Variants in CELA3B observed in about 807,000 individuals in gnomAD.
The protein encoded by CELA3B is chymotrypsin-like elastase family member 3B.
Under a neutral mutation model 37.2 loss-of-function variants are expected in CELA3B, and 34 were observed. That is an observed-to-expected ratio of 0.91 (90% CI 0.70 to 1.22). CELA3B has a LOEUF of 1.22. Among genes scored for constraint, CELA3B ranks in the 50% most tolerant of loss-of-function variants. The pLI is 0.00. For synonymous variants in CELA3B, 127 were observed against 143.5 expected, an observed-to-expected ratio of 0.89 and a Z score of 0.82; for missense variants, 340 against 363.1, an observed-to-expected ratio of 0.94 and a Z score of 0.52.
In CELA3B at chr1:21,987,032, G is replaced by A. The variant is rs540655667; in HGVS notation, c.795+349G>A. On this transcript the variant is annotated intron_variant, in intron 7 of 7. Coordinates refer to ENST00000337107, the MANE Select transcript of CELA3B (RefSeq NM_007352.4). ...GACAGGTGATTACATGAATGAGAAC[G>A]ATGCAGTCTGATGAGAGCCGAGAGA... 5 of 380,214 alleles carry A rather than the reference G, an allele frequency of 1.3e-5. No individual in the cohort carries two copies. In the Admixed American group the frequency reaches 1.5e-4, roughly 12 times the overall value. 23.6% of individuals were successfully genotyped at this position (380,214 alleles called of 1,614,324 possible). A position where few individuals can be genotyped will look rare whatever the true frequency, so the allele number is the denominator to read the frequency against.
rs543895494 is a variant in CELA3B at position 21,980,950 on chromosome 1, G to A, written c.227+29G>A. On this transcript the variant is annotated intron_variant, in intron 3 of 7. Transcript: ENST00000337107. ...AGTTCTCTACCCTGTCCCTGCCTGT[G>A]GCCCCGGGCAGCTGGGGAGGGTGGG... The A allele has an allele frequency of 8.7e-6, 14 of 1,614,036 alleles. No individual in the cohort carries two copies. In the South Asian group the frequency reaches 1.2e-4, roughly 14 times the overall value.
At chr1:21,998,181 C>G (rs373910590) in exon 5 of CELA3B, 2 of 470,256 alleles carry the variant, frequency 4.3e-6, no homozygotes, top group Admixed American at 4.7e-5. Context: ...ACCAGAGTCC[C>G]GGACTTAGGA....
chr1:21,989,215 C>G (rs1644858436), intron 7 of CELA3B, 47 bp from the exon 8 acceptor site: 6 of 1,388,772 alleles, frequency 4.3e-6, no homozygotes, highest in African/African-American at 1.4e-5. Flanking sequence ...ACTCCAGAAC[C>G]TGTGCTCCTA....
intron 6 of CELA3B, among the ~76,000 whole-genome samples, chr1:21,985,595 G>T (rs940903416): frequency 1.4e-5 from 2 of 143,206 alleles, no homozygotes; most frequent in African/African-American, 2.6e-5. Flanking sequence ...GTCTGTTAAA[G>T]AAAAAAAAAA....
rs201824090 is a variant in CELA3B, at chr1:21,978,459, G to C, written c.129+5G>C. 1 of 1,613,914 alleles carries C rather than the reference G, an allele frequency of 6.2e-7. No individual in the cohort carries two copies. Among genetic ancestry groups the C allele is most frequent in the Non-Finnish European group, 8.5e-7 (1 of 1,179,920 alleles). On this transcript the variant is annotated splice_donor_5th_base_variant and intron_variant, in intron 2 of 7. Coordinates refer to ENST00000337107, the MANE Select transcript of CELA3B (RefSeq NM_007352.4). ...CCCTACAGCTGGCCCTGGCAGGTAA[G>C]AGCAATAGCAGCTGCCCTCATTCCC...
At chr1:21,993,637 G>A (rs1266278779), downstream of CELA3B, among the ~76,000 whole-genome samples, 8 of 149,258 alleles carry the variant, frequency 5.4e-5, no homozygotes, top group South Asian at 2.1e-4. Flanking sequence ...TTGACCTCCC[G>A]GGCTCAAGTG....
chr1:21,983,392 C>T lies in CELA3B; in HGVS notation c.363-302C>T, dbSNP rs118118830. On this transcript the variant is annotated intron_variant, in intron 4 of 7. Transcript: ENST00000337107. ...AAAAAAATTTGCTCTGCCTTAAGAA[C>T]GATTTGGGCCAGGTGTAGTGGCTCA... 4.5e-4 allele frequency among the ~76,000 whole-genome samples: 68 copies of T among 150,960 alleles called. No homozygotes were observed. The East Asian group carries it at 0.012, about 27-fold the overall frequency.
Position 21,981,114 on chromosome 1 carries a change from A to G in CELA3B, c.304A>G (p.Ile102Val), listed in dbSNP as rs538973935. ...GGAGGGCCCCGAGCAGGTGATCCCCATCAACTCTGGGGACCTCTTTGTGCA... is the reference window on the plus strand; with the variant it reads ...GGAGGGCCCCGAGCAGGTGATCCCCGTCAACTCTGGGGACCTCTTTGTGCA... ...VKEGPEQVIP[I>V]NSGDLFVHPL... The change falls in exon 4 of 8, where the codon ATC becomes GTC. Residue 102 changes from isoleucine (I) to valine (V), a missense_variant. Transcript: ENST00000337107. The G allele has an allele frequency of 1.2e-6, 2 of 1,613,288 alleles. No individual in the cohort carries two copies. The highest frequency in any genetic ancestry group is 2.7e-5 in the African/African-American group (2 of 75,008).
intron 7 of CELA3B, among the ~76,000 whole-genome samples, chr1:21,988,595 A>C (rs1644852990): frequency 6.7e-6 from 1 of 150,290 alleles, no homozygotes; most frequent in Non-Finnish European, 1.5e-5. Flanking sequence ...CATCTTAAAA[A>C]AAAAAAAAAA....
intron 4 of CELA3B, among the ~76,000 whole-genome samples, chr1:21,994,596 G>A (rs542755453): frequency 1.3e-5 from 2 of 151,240 alleles, no homozygotes; most frequent in African/African-American, 4.9e-5. Context: ...CCAGCAGCCG[G>A]TGTGGGGCAG....
rs764278621 is a variant in CELA3B, at chr1:21,983,835, G to T, written c.499+5G>T. The T allele has an allele frequency of 6.2e-7, 1 of 1,613,624 alleles. No individual in the cohort carries two copies. Among genetic ancestry groups the T allele is most frequent in the Non-Finnish European group, 8.5e-7 (1 of 1,179,778 alleles). On this transcript the variant is annotated splice_donor_5th_base_variant and intron_variant, in intron 5 of 7. Transcript: ENST00000337107. The stretch of plus-strand genomic sequence containing the variant: ...CCGGCTGGGGCCGTCTCTATAGTAC[G>T]TGCTGACTTCTCTAGCTGGCCACAG...
intron 2 of CELA3B, among the ~76,000 whole-genome samples, chr1:21,979,740 C>T (rs951815814): frequency 4.0e-5 from 6 of 151,362 alleles, no homozygotes; most frequent in African/African-American, 1.2e-4. Context: ...AGGCGTGAGC[C>T]ACCATGCTTG....
intron 4 of CELA3B, among the ~76,000 whole-genome samples, chr1:21,996,507 C>A (rs1386180774): frequency 1.3e-5 from 2 of 151,072 alleles, no homozygotes; most frequent in Non-Finnish European, 2.9e-5. Flanking sequence ...ATAATCCACC[C>A]CTTGTTTAGC....
At position 21,980,921 on chromosome 1, in the gene CELA3B, C is replaced by G; in HGVS notation, c.227C>G (p.Ser76Trp). The G allele has an allele frequency of 6.2e-7, 1 of 1,613,744 alleles. No individual in the cohort carries two copies. The highest frequency in any genetic ancestry group is 8.5e-7 in the Non-Finnish European group (1 of 1,179,930). Residue 76 changes from serine (S) to tryptophan (W), a missense_variant and splice_region_variant, in exon 3 of 8, where the codon TCG (serine) becomes TGG (tryptophan). By Grantham distance (177) the Ser-to-Trp change is radical. Transcript: ENST00000337107. ...GTTGTGACTGCCGGCCACTGCATCTCGTGAGTTCTCTACCCTGTCCCTGCC... is the reference window on the plus strand; with the variant it reads ...GTTGTGACTGCCGGCCACTGCATCTGGTGAGTTCTCTACCCTGTCCCTGCC... ...DWVVTAGHCI[S>W]SSRTYQVVLG...
rs796330030 is a variant in CELA3B at position 21,979,448 on chromosome 1, C to CT, written c.129+998dup. Among the ~76,000 whole-genome samples the CT allele has an allele frequency of 4.1e-4, 44 of 108,546 alleles. 1 individual carries two copies. The highest frequency in any genetic ancestry group is 6.2e-4 in the Non-Finnish European group (36 of 58,478). The allele number at this position is 108,546 out of a possible 152,430, so 71.2% of individuals were successfully genotyped here. ...CATATTTCTTTTTTTCTTTTCTTTTCTTTTCTTTTTTTTTTTTTTTTTGAG... is the reference window on the plus strand; with the variant it reads ...CATATTTCTTTTTTTCTTTTCTTTTCTTTTTCTTTTTTTTTTTTTTTTTGAG... On this transcript the variant is annotated intron_variant, in intron 2 of 7. Coordinates refer to ENST00000337107, the MANE Select transcript of CELA3B (RefSeq NM_007352.4).
intron 5 of CELA3B, 77 bp from the exon 6 acceptor site, chr1:21,984,112 C>T: frequency 2.0e-6 from 3 of 1,527,090 alleles, no homozygotes; most frequent in Non-Finnish European, 2.7e-6. Flanking sequence ...GAACTGTGCG[C>T]CTTGGATGCC....
At chr1:21,979,656 G>T (rs1329853097) in intron 2 of CELA3B, among the ~76,000 whole-genome samples, 1 of 150,890 alleles carries the variant, frequency 6.6e-6, no homozygotes, top group Non-Finnish European at 1.5e-5. Flanking sequence ...GTCTCACTAT[G>T]TTGCCCAGGC....
chr1:21,981,501 A>G (rs375122338), intron 4 of CELA3B, among the ~76,000 whole-genome samples: 33 of 151,656 alleles, frequency 2.2e-4, no homozygotes, highest in African/African-American at 8.0e-4. Context: ...CATTCAATAG[A>G]TGGCTCACCC....
In CELA3B at chr1:21,994,765, C is replaced by T. The variant is rs571893091; in HGVS notation, c.505-3386C>T. Among the ~76,000 whole-genome samples, 7 of 150,896 alleles carry T rather than the reference C, an allele frequency of 4.6e-5. No individual in the cohort carries two copies. The South Asian group carries it at 6.3e-4, about 14-fold the overall frequency. ...CTGTAATCCCAGCACTTTGGTAGGCCGAGTCAGGCAGATCACTTGACCTCA... is the reference window on the plus strand; with the variant it reads ...CTGTAATCCCAGCACTTTGGTAGGCTGAGTCAGGCAGATCACTTGACCTCA... On this transcript the variant is annotated intron_variant, in intron 4 of 4. Coordinates refer to the CELA3B transcript ENST00000400277.
Sources: allele counts gnomAD v4.1 joint callset (sites outside exome capture counted in the v4.1 genomes callset), GRCh38; gene constraint gnomAD v4.1.1; transcripts MANE v1.5; gene names NCBI Gene and HGNC (gene_info 2026-07-23, HGNC 2026-07-21).